SWT1: variants seen among roughly 807,000 people sequenced by gnomAD.
The protein encoded by SWT1 is transcriptional protein SWT1.
SWT1 carries 33 observed loss-of-function variants against 107.3 expected under a neutral mutation model. That is an observed-to-expected ratio of 0.31 (90% CI 0.23 to 0.41). The LOEUF (loss-of-function observed/expected upper bound fraction) is 0.41. Ranked by LOEUF, SWT1 falls within the 10% of genes least tolerant of loss-of-function variation. The pLI is 1.00. For missense variants in SWT1, 898 were observed against 1,028.9 expected (o/e 0.87, Z 1.74); for synonymous variants, 345 against 348.3 (o/e 0.99, Z 0.11).
At chr1:185,268,448 C>T (rs1448775415) in intron 16 of SWT1, among the ~76,000 whole-genome samples, 1 of 152,144 alleles carries the variant, frequency 6.6e-6, no homozygotes, top group Admixed American at 6.5e-5. Flanking sequence ...TTATTATCTC[C>T]CTGTGCCTGG....
intron 16 of SWT1, among the ~76,000 whole-genome samples, chr1:185,256,981 G>T (rs1662590656): frequency 6.6e-6 from 1 of 152,130 alleles, no homozygotes; most frequent in African/African-American, 2.4e-5. Context: ...CTTTCTGCTT[G>T]TTAGTTTTCC....
At chr1:185,236,162 A>G (rs1425936221) in intron 16 of SWT1, among the ~76,000 whole-genome samples, 2 of 152,184 alleles carry the variant, frequency 1.3e-5, no homozygotes, top group African/African-American at 4.8e-5. Context: ...CGATCAAGCT[A>G]CCATTGACTT....
chr1:185,158,882 C>T (rs1653891114), intron 1 of SWT1, among the ~76,000 whole-genome samples: 1 of 152,152 alleles, frequency 6.6e-6, no homozygotes, highest in African/African-American at 2.4e-5. Context: ...CTTTGGGTCT[C>T]CTGAGGTTGC....
At chr1:185,267,421 G>A (rs2102716201) in intron 16 of SWT1, among the ~76,000 whole-genome samples, 1 of 152,310 alleles carries the variant, frequency 6.6e-6, no homozygotes, top group South Asian at 2.1e-4. Context: ...AGCAGGGTCA[G>A]ACTTAAGTGT....
chr1:185,256,941 A>C (rs529870253), intron 16 of SWT1, among the ~76,000 whole-genome samples: 1 of 151,944 alleles, frequency 6.6e-6, no homozygotes, highest in Non-Finnish European at 1.5e-5. Flanking sequence ...GATGATGGTG[A>C]TGTACAGATG....
chr1:185,256,319 T>G (rs1467574880), intron 16 of SWT1, among the ~76,000 whole-genome samples: 32 of 149,780 alleles, frequency 2.1e-4, no homozygotes, highest in African/African-American at 7.6e-4. Context: ...TGAATCTGAA[T>G]GTTGGCCTGC....
At position 185,282,452 on chromosome 1, in the gene SWT1, G is replaced by A. The variant is rs1053126954; in HGVS notation, c.2573+5784G>A. On this transcript the variant is annotated intron_variant, in intron 18 of 18. Transcript: ENST00000367500. The stretch of plus-strand genomic sequence containing the variant: ...GGACCCATGTAGCTTCTTGGGGGGC[G>A]GCACACACAGAGAAGGCATGGAAGC... Among the ~76,000 whole-genome samples the A allele has an allele frequency of 8.6e-5, 13 of 151,454 alleles. No homozygotes were observed. In the East Asian group the frequency reaches 1.2e-3, roughly 13 times the overall value.
intron 7 of SWT1, 31 bp downstream of exon 7, chr1:185,182,088 C>T: frequency 6.4e-6 from 10 of 1,573,168 alleles, no homozygotes; most frequent in Non-Finnish European, 8.6e-6. Context: ...TGTATGCTCC[C>T]CTATGCTTTC....
At chr1:185,160,957 C>T in intron 2 of SWT1, 32 bp downstream of exon 2, 1 of 1,474,214 alleles carries the variant, frequency 6.8e-7, no homozygotes, top group Non-Finnish European at 9.4e-7. Flanking sequence ...CCTAGAGATA[C>T]ATTTCAATTT....
intron 16 of SWT1, among the ~76,000 whole-genome samples, chr1:185,248,941 A>C (rs760444082): frequency 6.6e-6 from 1 of 152,208 alleles, no homozygotes; most frequent in South Asian, 2.1e-4. Flanking sequence ...ATAACAAATC[A>C]CCCCAAAACT....
chr1:185,168,721 T>G (rs1654800080), intron 4 of SWT1, among the ~76,000 whole-genome samples: 1 of 152,222 alleles, frequency 6.6e-6, no homozygotes, highest in Admixed American at 6.5e-5. Context: ...GAGGCTAATT[T>G]AGAGATTTTG....
intron 13 of SWT1, among the ~76,000 whole-genome samples, chr1:185,214,025 T>C (rs989319989): frequency 1.3e-5 from 2 of 152,160 alleles, no homozygotes; most frequent in African/African-American, 4.8e-5. Context: ...AAACATAGTA[T>C]TGAGTTTCAT....
At chr1:185,226,780 A>C in intron 15 of SWT1, 1 of 1,037,008 alleles carries the variant, frequency 9.6e-7, no homozygotes, top group Non-Finnish European at 1.3e-6. Flanking sequence ...TTTATCTGAA[A>C]AATCCTTATA....
intron 16 of SWT1, 34 bp downstream of exon 16, chr1:185,231,742 C>T (rs761260335): frequency 6.5e-7 from 1 of 1,533,574 alleles, no homozygotes; most frequent in South Asian, 1.2e-5. Flanking sequence ...GTGTTATTTA[C>T]TTATTACTTT....
rs538662786 is a variant in SWT1, at chr1:185,279,074, C to T, written c.2573+2406C>T. On this transcript the variant is annotated intron_variant, in intron 18 of 18. Transcript: ENST00000367500. ...AGAAAATCTGAAGCCAGTTGGCATA[C>T]ACAAATCTGTTACAGTTGGGGGAGA... Among the ~76,000 whole-genome samples, 4 of 152,306 alleles carry T rather than the reference C, an allele frequency of 2.6e-5. No individual in the cohort carries two copies. In the East Asian group the frequency reaches 7.7e-4, roughly 29 times the overall value.
chr1:185,204,189 A>G (rs1168289919), intron 11 of SWT1, among the ~76,000 whole-genome samples: 2 of 152,120 alleles, frequency 1.3e-5, no homozygotes, highest in Non-Finnish European at 2.9e-5. Flanking sequence ...GAGGCAGGAG[A>G]ATCTCTTGAA....
Position 185,290,766 on chromosome 1 carries a change from G to T in SWT1, c.2666G>T (p.Arg889Met). ...NASVYMEAKN[R>M]GWCEDMLNYR... ...TCTGTTTATATGGAGGCCAAAAACA[G>T]GGGATGGTGTGAAGACATGCTCAAC... Residue 889 changes from arginine to methionine, a missense_variant, in exon 19 of 19, where the codon AGG (arginine) becomes ATG (methionine). By Grantham distance (91) the Arg-to-Met change is moderately conservative. Around this residue, in one of 6 missense-constraint regions of SWT1, gnomAD observed 382 missense variants for 460.0 expected, o/e 0.83. Coordinates refer to ENST00000367500, the MANE Select transcript of SWT1 (RefSeq NM_017673.7). 1 of 1,611,690 alleles carries T rather than the reference G, an allele frequency of 6.2e-7. No homozygotes were observed. The highest frequency in any genetic ancestry group is 1.1e-5 in the South Asian group (1 of 90,846).
chr1:185,203,389 C>T (rs1304349963), intron 11 of SWT1, among the ~76,000 whole-genome samples: 7 of 151,900 alleles, frequency 4.6e-5, no homozygotes, highest in South Asian at 2.1e-4. Flanking sequence ...TTTGGGAGGC[C>T]GAGGCGGGTG....
At position 185,290,970 on chromosome 1, in the gene SWT1, G is replaced by T; in HGVS notation, c.*167G>T. On this transcript the variant is annotated 3_prime_UTR_variant, in exon 19 of 19. Coordinates refer to ENST00000367500, the MANE Select transcript of SWT1 (RefSeq NM_017673.7). ...GACAGTCTCATTGTAGCTCTAAAAA[G>T]CCTAATGTATCCACTGTGGAATAAA... 2.2e-6 allele frequency: 1 copy of T among 451,554 alleles called. No individual in the cohort carries two copies. The highest frequency in any genetic ancestry group is 3.8e-6 in the Non-Finnish European group (1 of 262,490). 28.0% of individuals were successfully genotyped at this position (451,554 alleles called of 1,614,324 possible).
Sources: allele counts gnomAD v4.1 joint callset (sites outside exome capture counted in the v4.1 genomes callset), GRCh38; gene constraint gnomAD v4.1.1; regional missense constraint gnomAD v4.1.1; transcripts MANE v1.5; gene names NCBI Gene and HGNC (gene_info 2026-07-23, HGNC 2026-07-21).